DIP2C: variants seen among roughly 807,000 people sequenced by gnomAD.
DIP2C encodes disco-interacting protein 2 homolog C.
DIP2C carries 33 observed loss-of-function variants against 192.4 expected under a neutral mutation model. That is an observed-to-expected ratio of 0.17 (90% CI 0.13 to 0.23). The LOEUF is 0.23. DIP2C is among the 10% of genes least tolerant of loss of function. The pLI is 1.00. For missense variants in DIP2C, 1,537 were observed against 2,110.1 expected, an observed-to-expected ratio of 0.73 and a Z score of 5.32; for synonymous variants, 979 against 864.1, an observed-to-expected ratio of 1.13 and a Z score of -2.33.
intron 1 of DIP2C, among the ~76,000 whole-genome samples, chr10:506,036 A>G (rs1845575669): frequency 6.6e-6 from 1 of 152,206 alleles, no homozygotes; most frequent in Non-Finnish European, 1.5e-5. Context: ...CATCTACACG[A>G]TGTCACATTT....
intron 1 of DIP2C, among the ~76,000 whole-genome samples, chr10:490,179 C>A (rs1209241306): frequency 6.6e-6 from 1 of 151,000 alleles, no homozygotes; most frequent in Non-Finnish European, 1.5e-5. Context: ...CTCCATTTCA[C>A]ACCAGGGACA....
At chr10:518,778 G>C (rs1564813115) in intron 1 of DIP2C, among the ~76,000 whole-genome samples, 1 of 152,208 alleles carries the variant, frequency 6.6e-6, no homozygotes, top group Admixed American at 6.5e-5. Context: ...TACAGAGATG[G>C]CTACTCCCCT....
At chr10:529,119 A>G (rs1307793236) in intron 1 of DIP2C, among the ~76,000 whole-genome samples, 2 of 152,156 alleles carry the variant, frequency 1.3e-5, no homozygotes, top group Non-Finnish European at 2.9e-5. Context: ...GATCCGTTCA[A>G]TCCCACAATC....
intron 1 of DIP2C, among the ~76,000 whole-genome samples, chr10:581,307 TGA>T (rs1263870174): frequency 6.6e-6 from 1 of 152,202 alleles, no homozygotes; most frequent in Non-Finnish European, 1.5e-5. Context: ...ACTTTCTAAA[TGA>T]GAGATGGCAA....
chr10:539,275 C>T (rs1346994054), intron 1 of DIP2C, among the ~76,000 whole-genome samples: 1 of 152,128 alleles, frequency 6.6e-6, no homozygotes, highest in Non-Finnish European at 1.5e-5. Context: ...CCTGGGGTTC[C>T]AGGCCTGTGG....
chr10:459,209 A>G (rs190166760), intron 3 of DIP2C, among the ~76,000 whole-genome samples: 55 of 152,026 alleles, frequency 3.6e-4, no homozygotes, highest in African/African-American at 1.3e-3. Flanking sequence ...CCCACCCCCA[A>G]ACAGACAGCC....
rs2132110179 is a variant in DIP2C at position 277,223 on chromosome 10, G to A, written c.*102C>T. ...TTCCTCCTCCACTCTCACCACAAAT[G>A]GCTGTATTCTGGTGAGTGTTGCCCT... On this transcript the variant is annotated 3_prime_UTR_variant, in exon 37 of 37. Coordinates refer to ENST00000280886, the MANE Select transcript of DIP2C (RefSeq NM_014974.3). The A allele has an allele frequency of 6.7e-7, 1 of 1,501,120 alleles. No homozygotes were observed. Among genetic ancestry groups the A allele is most frequent in the Non-Finnish European group, 9.0e-7 (1 of 1,113,982 alleles). The allele number at this position is 1,501,120 out of a possible 1,614,324, so 93.0% of individuals were successfully genotyped here. A position where few individuals can be genotyped will look rare whatever the true frequency, so the allele number is the denominator to read the frequency against.
intron 1 of DIP2C, among the ~76,000 whole-genome samples, chr10:648,671 T>C (rs868302290): frequency 1.8e-5 from 1 of 56,682 alleles, no homozygotes; most frequent in African/African-American, 7.0e-5. Flanking sequence ...GGAGAGAACA[T>C]AGGGAAACTG....
At chr10:300,854 C>T (rs1252541388) in intron 32 of DIP2C, among the ~76,000 whole-genome samples, 2 of 152,010 alleles carry the variant, frequency 1.3e-5, no homozygotes, top group Admixed American at 6.5e-5. Context: ...CGGCCCTGAG[C>T]GTGTGGAGAA....
At chr10:438,190 G>A (rs944844502) in intron 4 of DIP2C, among the ~76,000 whole-genome samples, 2 of 152,112 alleles carry the variant, frequency 1.3e-5, no homozygotes, top group East Asian at 1.9e-4. Context: ...GTACAATGAG[G>A]TTATTCATCA....
chr10:473,045 T>TGC (rs112133432), intron 2 of DIP2C, among the ~76,000 whole-genome samples: 4,503 of 152,346 alleles, frequency 0.03, 247 homozygotes, highest in African/African-American at 0.1. Flanking sequence ...CGTCCAGCTT[T>TGC]GCTCATTCCA....
chr10:405,489 T>C (rs1317261087), intron 9 of DIP2C, among the ~76,000 whole-genome samples: 1 of 152,228 alleles, frequency 6.6e-6, no homozygotes, highest in Admixed American at 6.5e-5. Context: ...TCTTTTAGCA[T>C]CAAAACTGAA....
chr10:529,815 T>C (rs950027658), intron 1 of DIP2C, among the ~76,000 whole-genome samples: 9 of 152,266 alleles, frequency 5.9e-5, no homozygotes, highest in Admixed American at 3.9e-4. Flanking sequence ...AGTCTCACTC[T>C]GTCACCCAGG....
chr10:514,279 T>A (rs910424045), intron 1 of DIP2C, among the ~76,000 whole-genome samples: 2 of 152,054 alleles, frequency 1.3e-5, no homozygotes, highest in Non-Finnish European at 2.9e-5. Flanking sequence ...TCTCGTTCAA[T>A]ACGTCAAGCT....
chr10:568,538 C>T lies in DIP2C; in HGVS notation c.86-82008G>A, dbSNP rs1225710636. The stretch of plus-strand genomic sequence containing the variant: ...ATCCCAGCACTTTGGGAGGCCGAGA[C>T]GGGCGGATCATGAGGTCAGGAGATC... On this transcript the variant is annotated intron_variant, in intron 1 of 36. Coordinates refer to ENST00000280886, the MANE Select transcript of DIP2C (RefSeq NM_014974.3). Among the ~76,000 whole-genome samples, 6 of 151,912 alleles carry T rather than the reference C, an allele frequency of 3.9e-5. No homozygotes were observed. The South Asian group carries it at 8.3e-4, about 21-fold the overall frequency.
At chr10:449,782 T>TAAAAAAAAAA (rs59436219) in intron 3 of DIP2C, among the ~76,000 whole-genome samples, 1 of 127,256 alleles carries the variant, frequency 7.9e-6, no homozygotes, top group Non-Finnish European at 1.7e-5. Context: ...AAAGTATAAT[T>TAAAAAAAAAA]AAAAAAAAAA....
intron 1 of DIP2C, among the ~76,000 whole-genome samples, chr10:487,336 A>C (rs1433827848): frequency 6.6e-6 from 1 of 152,200 alleles, no homozygotes; most frequent in African/African-American, 2.4e-5. Context: ...GCTTTAACAA[A>C]AATATAGCAA....
chr10:593,024 T>A (rs1851491907), intron 1 of DIP2C, among the ~76,000 whole-genome samples: 1 of 152,210 alleles, frequency 6.6e-6, no homozygotes, highest in Non-Finnish European at 1.5e-5. Context: ...GTTTTAAAAA[T>A]ATATATATGG....
At chr10:309,935 C>T (rs927339248) in intron 32 of DIP2C, 96 bp downstream of exon 32, 23 of 1,189,094 alleles carry the variant, frequency 1.9e-5, no homozygotes, top group Non-Finnish European at 2.8e-5. Flanking sequence ...AGATAAACAT[C>T]GTGTGCACCT....
Sources: allele counts gnomAD v4.1 joint callset (sites outside exome capture counted in the v4.1 genomes callset), GRCh38; gene constraint gnomAD v4.1.1; transcripts MANE v1.5; gene names NCBI Gene and HGNC (gene_info 2026-07-23, HGNC 2026-07-21).